The following CADPS2 variants were observed in gnomAD, a reference collection of about 807,000 sequenced individuals.
The protein encoded by CADPS2 is calcium-dependent secretion activator 2.
In CADPS2, 93 loss-of-function variants were observed where a neutral mutation model predicts 172.5. That is an observed-to-expected ratio of 0.54 (90% confidence interval 0.46 to 0.64). CADPS2 has a LOEUF of 0.64. CADPS2 is among the 30% of genes least tolerant of loss of function. CADPS2 has a pLI of 0.00. For missense variants in CADPS2, 1,420 were observed against 1,565.9 expected, an observed-to-expected ratio of 0.91 and a Z score of 1.57; for synonymous variants, 546 against 555.2, an observed-to-expected ratio of 0.98 and a Z score of 0.23.
At chr7:122,577,758 A>C (rs1259487205) in intron 7 of CADPS2, among the ~76,000 whole-genome samples, 1 of 152,096 alleles carries the variant, frequency 6.6e-6, no homozygotes, top group African/African-American at 2.4e-5. Context: ...AAGTGACTAC[A>C]ATTTTGCACT....
At chr7:122,591,392 G>A (rs987506858) in intron 6 of CADPS2, among the ~76,000 whole-genome samples, 10 of 152,032 alleles carry the variant, frequency 6.6e-5, no homozygotes, top group African/African-American at 9.7e-5. Context: ...AATCAATATC[G>A]TGAAAATGGC....
intron 1 of CADPS2, among the ~76,000 whole-genome samples, chr7:122,824,050 G>T (rs1804152960): frequency 1.3e-5 from 2 of 152,134 alleles, no homozygotes; most frequent in Admixed American, 1.3e-4. Flanking sequence ...ATATCATTTT[G>T]TCCCTTTGAT....
intron 1 of CADPS2, among the ~76,000 whole-genome samples, chr7:122,742,581 A>C (rs114611010): frequency 0.015 from 2,219 of 152,260 alleles, 54 homozygotes; most frequent in African/African-American, 0.051. Flanking sequence ...TGAGAGGGCC[A>C]CTTCCCACAT....
intron 16 of CADPS2, chr7:122,440,450 A>G (rs2051201045): frequency 6.6e-6 from 1 of 152,220 alleles, no homozygotes; most frequent in African/African-American, 2.4e-5. Flanking sequence ...TCAGTATTAT[A>G]AAAATTCTAA....
In CADPS2 at chr7:122,678,853, G is replaced by C. The variant is rs112914659; in HGVS notation, c.454-15284C>G. 4.4e-3 allele frequency among the ~76,000 whole-genome samples: 409 copies of C among 93,430 alleles called. 4 individuals are homozygous for C. Among genetic ancestry groups the C allele is most frequent in the South Asian group, 7.2e-3 (14 of 1,952 alleles). The allele number at this position is 93,430 out of a possible 152,430, so 61.3% of individuals were successfully genotyped here. A position where few individuals can be genotyped will look rare whatever the true frequency, so the allele number is the denominator to read the frequency against. On this transcript the variant is annotated intron_variant, in intron 2 of 29. Transcript: ENST00000449022. Reference sequence around the variant, plus strand: ...AGGAAGTCAGGGACCTCGAATGGAGGGACCAGCTGAAACCATGGCAGAACA... The same window carrying C: ...AGGAAGTCAGGGACCTCGAATGGAGCGACCAGCTGAAACCATGGCAGAACA...
At chr7:122,687,048 C>T (rs2083727520) in intron 2 of CADPS2, among the ~76,000 whole-genome samples, 1 of 152,122 alleles carries the variant, frequency 6.6e-6, no homozygotes, top group Non-Finnish European at 1.5e-5. Flanking sequence ...GATAATTACA[C>T]AATTTTTTAC....
At chr7:122,682,222 C>CT (rs2083131702) in intron 2 of CADPS2, among the ~76,000 whole-genome samples, 1 of 152,164 alleles carries the variant, frequency 6.6e-6, no homozygotes, top group Admixed American at 6.5e-5. Flanking sequence ...GCAACAAAGA[C>CT]TGAGACCCTA....
intron 2 of CADPS2, among the ~76,000 whole-genome samples, chr7:122,695,095 A>G (rs887093683): frequency 6.6e-6 from 1 of 152,256 alleles, no homozygotes; most frequent in African/African-American, 2.4e-5. Flanking sequence ...GGACAGTTGC[A>G]TTATAATAAT....
At chr7:122,342,507 C>T (rs919482374) in intron 28 of CADPS2, among the ~76,000 whole-genome samples, 2 of 152,170 alleles carry the variant, frequency 1.3e-5, no homozygotes, top group African/African-American at 4.8e-5. Flanking sequence ...AACACAGCTG[C>T]ATCACCTGCA....
At chr7:122,361,071 G>A in intron 25 of CADPS2, 58 bp from the exon 26 acceptor site, 2 of 1,365,942 alleles carry the variant, frequency 1.5e-6, no homozygotes, top group Admixed American at 2.0e-5. Flanking sequence ...ACTAATAGCA[G>A]GACAAACAAT....
chr7:122,845,165 G>T (rs1395739695), intron 1 of CADPS2, among the ~76,000 whole-genome samples: 1 of 152,174 alleles, frequency 6.6e-6, no homozygotes, highest in African/African-American at 2.4e-5. Context: ...TAAAAGATCT[G>T]AAGTAATAAA....
chr7:122,441,163 T>C (rs921210482), intron 16 of CADPS2, among the ~76,000 whole-genome samples: 2 of 152,070 alleles, frequency 1.3e-5, no homozygotes, highest in African/African-American at 4.8e-5. Context: ...ACAAATAAAG[T>C]TGGAGGATAA....
At chr7:122,761,606 A>G (rs1450324826) in intron 1 of CADPS2, among the ~76,000 whole-genome samples, 1 of 152,128 alleles carries the variant, frequency 6.6e-6, no homozygotes, top group Non-Finnish European at 1.5e-5. Context: ...CCACCACCCT[A>G]TTCTTACTTT....
intron 22 of CADPS2, among the ~76,000 whole-genome samples, chr7:122,392,675 AAAG>A (rs1240651983): frequency 6.6e-6 from 1 of 152,194 alleles, no homozygotes; most frequent in Non-Finnish European, 1.5e-5. Context: ...TAAAAGAACA[AAAG>A]AAGAACTTCC....
intron 2 of CADPS2, among the ~76,000 whole-genome samples, chr7:122,692,554 C>T (rs956016351): frequency 2.6e-5 from 4 of 152,192 alleles, no homozygotes; most frequent in Middle Eastern, 3.2e-3. Flanking sequence ...TGGGGCCCAC[C>T]CAGGCAGCAC....
intron 9 of CADPS2, among the ~76,000 whole-genome samples, chr7:122,492,653 T>C (rs1156357565): frequency 6.6e-6 from 1 of 152,120 alleles, no homozygotes; most frequent in East Asian, 1.9e-4. Flanking sequence ...TTGCAAAATA[T>C]CCTGCAACAC....
chr7:122,880,385 C>T (rs181108788), intron 1 of CADPS2, among the ~76,000 whole-genome samples: 20 of 152,330 alleles, frequency 1.3e-4, no homozygotes, highest in Non-Finnish European at 2.6e-4. Flanking sequence ...TAAATATGCA[C>T]TAGCCTCTCC....
chr7:122,816,728 T>C (rs1188245216), intron 1 of CADPS2, among the ~76,000 whole-genome samples: 1 of 152,180 alleles, frequency 6.6e-6, no homozygotes, highest in African/African-American at 2.4e-5. Context: ...AAAGTCATTT[T>C]TGTCAGGCCT....
intron 14 of CADPS2, among the ~76,000 whole-genome samples, 153 bp from the exon 15 acceptor site, chr7:122,451,628 A>G (rs933191002): frequency 6.6e-6 from 1 of 152,086 alleles, no homozygotes; most frequent in African/African-American, 2.4e-5. Context: ...ATTTGCAGCC[A>G]TTTGCTTTAT....
Sources: allele counts gnomAD v4.1 joint callset (sites outside exome capture counted in the v4.1 genomes callset), GRCh38; gene constraint gnomAD v4.1.1; transcripts MANE v1.5; gene names NCBI Gene and HGNC (gene_info 2026-07-23, HGNC 2026-07-21).